The following KIAA0825 variants were observed in gnomAD, a reference collection of about 807,000 sequenced individuals.
KIAA0825 encodes KIAA0825.
KIAA0825 carries 119 observed loss-of-function variants against 147.6 expected under a neutral mutation model. The observed-to-expected ratio is 0.81, with a 90% CI of 0.69 to 0.94. KIAA0825 has a LOEUF of 0.94. Ranked by LOEUF, KIAA0825 falls within the 40% of genes least tolerant of loss-of-function variation. The pLI is 0.00. For missense variants in KIAA0825, 1,381 were observed against 1,472.7 expected, an observed-to-expected ratio of 0.94 and a Z score of 1.02; for synonymous variants, 470 against 518.1, an observed-to-expected ratio of 0.91 and a Z score of 1.26.
At chr5:94,502,710 T>C (rs566680521) in intron 5 of KIAA0825, among the ~76,000 whole-genome samples, 14 of 152,304 alleles carry the variant, frequency 9.2e-5, no homozygotes, top group Non-Finnish European at 1.8e-4. Flanking sequence ...CAAAATGCAG[T>C]TTTAGGAATG....
Position 94,443,359 on chromosome 5 carries a change from TACACACAC to T in KIAA0825, c.2358-3246_2358-3239del, listed in dbSNP as rs70978110. On this transcript the variant is annotated intron_variant, in intron 13 of 20. Coordinates refer to ENST00000682413, the MANE Select transcript of KIAA0825 (RefSeq NM_001145678.3). ...TTTTATATATATATATGTATATATA[TACACACAC>T]ACACACACACACACACGTATGTATG... Among the ~76,000 whole-genome samples the T allele has an allele frequency of 4.7e-5, 7 of 148,726 alleles. No homozygotes were observed. The South Asian group carries it at 1.1e-3, about 23-fold the overall frequency.
chr5:94,579,049 G>A (rs370047336), intron 2 of KIAA0825, among the ~76,000 whole-genome samples: 2 of 152,070 alleles, frequency 1.3e-5, no homozygotes, highest in East Asian at 1.9e-4. Flanking sequence ...CCCCGCCCCC[G>A]TAGCTGGGAC....
intron 5 of KIAA0825, among the ~76,000 whole-genome samples, chr5:94,500,969 T>A (rs951924772): frequency 6.6e-6 from 1 of 151,938 alleles, no homozygotes; most frequent in Non-Finnish European, 1.5e-5. Context: ...AGTAGAGACA[T>A]GGTTTCACTA....
chr5:94,438,704 T>C (rs1189563563), intron 14 of KIAA0825, among the ~76,000 whole-genome samples: 1 of 151,942 alleles, frequency 6.6e-6, no homozygotes, highest in African/African-American at 2.4e-5. Context: ...TTGAGATGGA[T>C]GGGAGAGAAT....
chr5:94,386,367 G>A lies in KIAA0825; in HGVS notation c.3494C>T (p.Ser1165Leu). The change falls in exon 19 of 21, where the codon TCA becomes TTA. Residue 1165 changes from serine (S) to leucine (L), a missense_variant. Ser to Leu is a moderately radical substitution (Grantham distance 145). Transcript: ENST00000682413. ...TCGGATGGGTAATGGCTTTTCCTCT[G>A]AACTATTCATAGAAAACAGCTGTTC... Reference protein sequence around the residue: ...LKEQLFSMNSSEEKPLPIRPL... With the variant: ...LKEQLFSMNSLEEKPLPIRPL... 6.4e-7 allele frequency: 1 copy of A among 1,550,992 alleles called. No individual in the cohort carries two copies. Among genetic ancestry groups the A allele is most frequent in the Non-Finnish European group, 8.7e-7 (1 of 1,146,664 alleles).
intron 20 of KIAA0825, among the ~76,000 whole-genome samples, chr5:94,304,960 C>A (rs1008134298): frequency 1.3e-5 from 2 of 151,860 alleles, no homozygotes; most frequent in African/African-American, 4.8e-5. Context: ...AAATAACTGA[C>A]CAAATTACCT....
chr5:94,417,354 C>A lies in KIAA0825; in HGVS notation c.2509G>T (p.Asp837Tyr). 6.5e-7 allele frequency: 1 copy of A among 1,541,642 alleles called. No homozygotes were observed. The highest frequency in any genetic ancestry group is 1.2e-5 in the South Asian group (1 of 83,546). Residue 837 changes from aspartate (D) to tyrosine (Y), a missense_variant, in exon 15 of 21, where the codon GAC becomes TAC. By Grantham distance (160) the Asp-to-Tyr change is radical. Coordinates refer to ENST00000682413, the MANE Select transcript of KIAA0825 (RefSeq NM_001145678.3). ...CCTTGGTTCAGGTTATTTTCTGTGT[C>A]GGAAACTTGTTCTTGAAAGGTACGT... ...ILLKSSKQVS[D>Y]TENNLNQGPS...
intron 1 of KIAA0825, among the ~76,000 whole-genome samples, chr5:94,601,918 C>T (rs115481089): frequency 0.012 from 1,830 of 152,284 alleles, 34 homozygotes; most frequent in African/African-American, 0.042. Context: ...CTATGACTGA[C>T]TGGTGTACCT....
intron 5 of KIAA0825, among the ~76,000 whole-genome samples, chr5:94,489,895 A>T (rs941994546): frequency 1.3e-5 from 2 of 151,780 alleles, no homozygotes; most frequent in African/African-American, 4.8e-5. Context: ...CTCAAAAAAA[A>T]AAAAAAAAAA....
intron 4 of KIAA0825, among the ~76,000 whole-genome samples, chr5:94,522,108 C>T (rs1388772570): frequency 6.6e-6 from 1 of 151,780 alleles, no homozygotes; most frequent in East Asian, 1.9e-4. Flanking sequence ...AACTCTTTGG[C>T]ATATGTATTT....
chr5:94,344,147 T>TATATCA (rs1358410334), intron 20 of KIAA0825, among the ~76,000 whole-genome samples: 1 of 152,214 alleles, frequency 6.6e-6, no homozygotes, highest in African/African-American at 2.4e-5. Context: ...AAGGTTCATG[T>TATATCA]ATATCAATGT....
chr5:94,297,477 T>A (rs1237951079), intron 20 of KIAA0825, among the ~76,000 whole-genome samples: 3 of 152,226 alleles, frequency 2.0e-5, no homozygotes, highest in Non-Finnish European at 1.5e-5. Context: ...TTCCTTTTCC[T>A]ATGCTGAGAT....
intron 5 of KIAA0825, among the ~76,000 whole-genome samples, chr5:94,493,328 A>G (rs1485495921): frequency 6.6e-6 from 1 of 152,234 alleles, no homozygotes; most frequent in African/African-American, 2.4e-5. Flanking sequence ...GCCTTGGGTA[A>G]GGTGATGTGA....
chr5:94,405,651 T>C (rs1660531560), intron 15 of KIAA0825, among the ~76,000 whole-genome samples: 1 of 152,200 alleles, frequency 6.6e-6, no homozygotes, highest in South Asian at 2.1e-4. Flanking sequence ...CTAGACAAGC[T>C]CTGGTCTAAT....
intron 15 of KIAA0825, among the ~76,000 whole-genome samples, chr5:94,406,075 C>A (rs564582912): frequency 6.6e-6 from 1 of 151,874 alleles, no homozygotes; most frequent in Non-Finnish European, 1.5e-5. Context: ...TACAGGCATG[C>A]GCCACCACGC....
intron 2 of KIAA0825, among the ~76,000 whole-genome samples, chr5:94,577,853 C>G (rs747738763): frequency 6.6e-6 from 1 of 152,154 alleles, no homozygotes; most frequent in Non-Finnish European, 1.5e-5. Flanking sequence ...AATGGACTCA[C>G]ATACTCATTA....
chr5:94,168,861 A>G (rs987740233), intron 20 of KIAA0825, among the ~76,000 whole-genome samples: 3 of 152,186 alleles, frequency 2.0e-5, no homozygotes, highest in Admixed American at 6.5e-5. Context: ...GGAAATTTTC[A>G]TGGACTATGC....
chr5:94,579,264 A>G (rs77958779), intron 2 of KIAA0825, among the ~76,000 whole-genome samples: 1,835 of 152,310 alleles, frequency 0.012, 35 homozygotes, highest in African/African-American at 0.042. Context: ...CTTACTAGTT[A>G]TATAACCTTC....
chr5:94,536,800 T>C (rs1193064760), intron 3 of KIAA0825, among the ~76,000 whole-genome samples, 196 bp downstream of exon 3: 1 of 152,146 alleles, frequency 6.6e-6, no homozygotes, highest in Non-Finnish European at 1.5e-5. Context: ...TTCTATTTTC[T>C]AGTCTTAAAA....
Sources: gnomAD v4.1 joint callset for allele counts (sites outside exome capture counted in the v4.1 genomes callset) on GRCh38, gnomAD v4.1.1 for gene constraint, MANE v1.5 for transcripts, NCBI Gene and HGNC (gene_info 2026-07-23, HGNC 2026-07-21) for gene names.